The following THRAP3 variants were observed in gnomAD, a reference collection of about 807,000 sequenced individuals.
THRAP3 encodes the protein thyroid hormone receptor associated protein 3.
Under a neutral mutation model 101.0 loss-of-function variants are expected in THRAP3, and 16 were observed. That is an observed-to-expected ratio of 0.16 (90% CI 0.11 to 0.24). The LOEUF is 0.24. Ranked by LOEUF, THRAP3 falls within the 10% of genes least tolerant of loss-of-function variation. The pLI is 1.00. For missense variants in THRAP3, 989 were observed against 1,202.7 expected, an observed-to-expected ratio of 0.82 and a Z score of 2.63; for synonymous variants, 407 against 422.6, an observed-to-expected ratio of 0.96 and a Z score of 0.45.
chr1:36,292,573 A>G (rs1645890300), intron 6 of THRAP3, 25 bp from the exon 7 acceptor site: 2 of 1,585,920 alleles, frequency 1.3e-6, no homozygotes, highest in Non-Finnish European at 1.7e-6. Flanking sequence ...CCTGGCCCAT[A>G]ATGTGTTTCT....
the THRAP3 span, among the ~76,000 whole-genome samples, chr1:36,213,357 T>G: frequency 6.6e-6 from 1 of 152,126 alleles, no homozygotes; most frequent in Non-Finnish European, 1.5e-5. Flanking sequence ...ATTCCTAACT[T>G]TGGCCCAGGC....
chr1:36,226,738 A>G (rs994180842), intron 1 of THRAP3, among the ~76,000 whole-genome samples: 1 of 152,062 alleles, frequency 6.6e-6, no homozygotes, highest in Non-Finnish European at 1.5e-5. Flanking sequence ...AGATCTGTTC[A>G]CTGTTTGACT....
chr1:36,249,384 G>T (rs563301320), intron 1 of THRAP3, among the ~76,000 whole-genome samples: 8 of 151,720 alleles, frequency 5.3e-5, no homozygotes, highest in Non-Finnish European at 1.2e-4. Context: ...GTAGAGACAG[G>T]GTTTCACCGT....
intron 2 of THRAP3, among the ~76,000 whole-genome samples, chr1:36,270,801 T>C (rs1645581728): frequency 6.6e-6 from 1 of 151,924 alleles, no homozygotes; most frequent in Non-Finnish European, 1.5e-5. Context: ...GGTCTCCGAC[T>C]CCCGACCTCA....
At chr1:36,223,495 G>C (rs1240564130), upstream of THRAP3, among the ~76,000 whole-genome samples, 1 of 152,168 alleles carries the variant, frequency 6.6e-6, no homozygotes, top group East Asian at 1.9e-4. Context: ...GGGAACACAG[G>C]CATAGGGAGG....
rs1278911915 is a variant in THRAP3 at position 36,286,917 on chromosome 1, C to T, written c.687C>T (p.Gly229=). The T allele has an allele frequency of 1.2e-6, 2 of 1,614,212 alleles. No individual in the cohort carries two copies. The highest frequency in any genetic ancestry group is 3.3e-5 in the Admixed American group (2 of 60,030). ...SSKPWPDATY[G]TGSASRASAV... The stretch of plus-strand genomic sequence containing the variant: ...AGCCATGGCCAGATGCCACCTACGG[C>T]ACTGGTTCTGCATCACGGGCCTCAG... Residue 229 remains glycine, a synonymous_variant, in exon 4 of 12, where the codon GGC becomes GGT. Transcript: ENST00000354618. The surrounding 1 kb of genome is among the most constrained non-coding windows in gnomAD (Gnocchi z 5.5).
intron 2 of THRAP3, 132 bp downstream of exon 2, chr1:36,259,616 T>C (rs1180792098): frequency 2.6e-6 from 1 of 382,228 alleles, no homozygotes; most frequent in Admixed American, 4.5e-5. Flanking sequence ...AATAAAAAAA[T>C]TTAACCAGGC....
At chr1:36,213,394 T>TGA in the THRAP3 span, among the ~76,000 whole-genome samples, 1 of 152,092 alleles carries the variant, frequency 6.6e-6, no homozygotes, top group Non-Finnish European at 1.5e-5. Context: ...TTCTGTTCTT[T>TGA]GAGACATGTA....
intron 4 of THRAP3, 35 bp from the exon 5 acceptor site, chr1:36,289,025 C>A: frequency 6.6e-7 from 1 of 1,521,798 alleles, no homozygotes; most frequent in South Asian, 1.3e-5. Context: ...TGTTAAGAAG[C>A]CTCTTGTGTC....
At chr1:36,282,248 T>C (rs1219585361) in intron 2 of THRAP3, among the ~76,000 whole-genome samples, 1 of 151,676 alleles carries the variant, frequency 6.6e-6, no homozygotes, top group Non-Finnish European at 1.5e-5. Context: ...TTTTTTTTTT[T>C]TGGAGATAGG....
chr1:36,275,116 T>TAC (rs142851565), intron 2 of THRAP3, among the ~76,000 whole-genome samples: 74,564 of 139,210 alleles, frequency 0.54, 20,329 homozygotes, highest in Middle Eastern at 0.66. Context: ...TACTAAAAAA[T>TAC]ACACACACAC....
intron 2 of THRAP3, among the ~76,000 whole-genome samples, chr1:36,279,423 C>T (rs1181889162): frequency 6.6e-6 from 1 of 152,032 alleles, no homozygotes; most frequent in Non-Finnish European, 1.5e-5. Flanking sequence ...TTAAGAACAA[C>T]CAAAAAAACA....
chr1:36,280,450 A>G (rs1037012933), intron 2 of THRAP3, among the ~76,000 whole-genome samples: 1 of 152,192 alleles, frequency 6.6e-6, no homozygotes, highest in African/African-American at 2.4e-5. Flanking sequence ...GACCTAGAGA[A>G]TGACTGGTGG....
chr1:36,253,578 G>T (rs1261047422), intron 1 of THRAP3, among the ~76,000 whole-genome samples: 1 of 151,884 alleles, frequency 6.6e-6, no homozygotes, highest in African/African-American at 2.4e-5. Context: ...CCATAGAAGT[G>T]CTGTTTTGAC....
chr1:36,277,954 G>T (rs753722689), intron 2 of THRAP3, among the ~76,000 whole-genome samples: 1 of 151,674 alleles, frequency 6.6e-6, no homozygotes, highest in Non-Finnish European at 1.5e-5. Context: ...GTAGAGAGGG[G>T]GTTTAACCAT....
At chr1:36,271,687 G>T (rs11804615) in intron 2 of THRAP3, among the ~76,000 whole-genome samples, 11 of 141,134 alleles carry the variant, frequency 7.8e-5, no homozygotes, top group African/African-American at 1.6e-4. Flanking sequence ...TCCACCTCCC[G>T]AGTTCAAGCA....
chr1:36,250,871 T>C (rs1413978069), intron 1 of THRAP3, among the ~76,000 whole-genome samples: 1 of 152,048 alleles, frequency 6.6e-6, no homozygotes, highest in Non-Finnish European at 1.5e-5. Flanking sequence ...CTCAGCCTAC[T>C]GAGTGGCTGG....
rs1570296499 is a variant in THRAP3, at chr1:36,268,750, C to A, written c.-32+9266C>A. On this transcript the variant is annotated intron_variant, in intron 2 of 11. Transcript: ENST00000354618. ...TTTTTTTTTTTTTTTGAGACGGAGTCTCGCTCTATCTGTCACCCAGGCTGG... is the reference window on the plus strand; with the variant it reads ...TTTTTTTTTTTTTTTGAGACGGAGTATCGCTCTATCTGTCACCCAGGCTGG... Among the ~76,000 whole-genome samples, 3 of 150,066 alleles carry A rather than the reference C, an allele frequency of 2.0e-5. No individual in the cohort carries two copies. In the South Asian group the frequency reaches 6.3e-4, roughly 31 times the overall value.
At chr1:36,302,470 T>A (rs1044655351) in intron 11 of THRAP3, among the ~76,000 whole-genome samples, 1 of 152,210 alleles carries the variant, frequency 6.6e-6, no homozygotes, top group African/African-American at 2.4e-5. Context: ...ACCTTTGAAC[T>A]TATCTCTAGG....
Sources: allele counts gnomAD v4.1 joint callset (sites outside exome capture counted in the v4.1 genomes callset), GRCh38; gene constraint gnomAD v4.1.1; non-coding constraint Gnocchi (gnomAD v3.1); transcripts MANE v1.5; gene names NCBI Gene and HGNC (gene_info 2026-07-23, HGNC 2026-07-21).